TYR: variants seen among roughly 807,000 people sequenced by gnomAD.
TYR encodes LB24-AB.
Under a neutral mutation model 51.5 loss-of-function variants are expected in TYR, and 58 were observed. The observed-to-expected ratio is 1.13, with a 90% CI of 0.91 to 1.40. The LOEUF (loss-of-function observed/expected upper bound fraction) is 1.40. Ranked by LOEUF, TYR falls within the 40% of genes most tolerant of loss-of-function variation. The pLI, the probability that TYR is intolerant of heterozygous loss-of-function variation, is 0.00. For missense variants in TYR, 732 were observed against 647.4 expected (o/e 1.13, Z -1.42); for synonymous variants, 263 against 235.2 (o/e 1.12, Z -1.08).
chr11:89,219,167 A>G (rs1203990961), intron 2 of TYR, among the ~76,000 whole-genome samples: 2 of 152,190 alleles, frequency 1.3e-5, no homozygotes, highest in Non-Finnish European at 2.9e-5. Context: ...CTAGCCCTAT[A>G]TAGAAGCCAA....
chr11:89,282,402 GAATAA>G (rs1565422836), intron 3 of TYR, among the ~76,000 whole-genome samples: 1 of 151,624 alleles, frequency 6.6e-6, no homozygotes, highest in Non-Finnish European at 1.5e-5. Context: ...TGGTTAGTAC[GAATAA>G]AATGTCTACT....
chr11:89,205,372 T>C (rs761083042), intron 2 of TYR, among the ~76,000 whole-genome samples: 1 of 152,124 alleles, frequency 6.6e-6, no homozygotes, highest in Non-Finnish European at 1.5e-5. Context: ...ACTTCCCAAA[T>C]TTAGCAAAAG....
chr11:89,285,792 C>G (rs1944778656), intron 4 of TYR, among the ~76,000 whole-genome samples: 2 of 151,734 alleles, frequency 1.3e-5, no homozygotes, highest in Admixed American at 1.3e-4. Context: ...AGCAAGATTT[C>G]AATTCTAGGA....
chr11:89,251,271 A>G (rs1944328177), intron 3 of TYR, among the ~76,000 whole-genome samples: 1 of 151,988 alleles, frequency 6.6e-6, no homozygotes, highest in South Asian at 2.1e-4. Flanking sequence ...CTCCTTTACC[A>G]GATTATTCAT....
intron 3 of TYR, chr11:89,283,888 G>T (rs1439012283): frequency 3.3e-5 from 5 of 151,772 alleles, no homozygotes; most frequent in Admixed American, 1.3e-4. Context: ...AGTAGGAAAA[G>T]AATTTGCTGA....
chr11:89,199,685 C>CA (rs988263835), intron 2 of TYR, among the ~76,000 whole-genome samples: 23 of 152,278 alleles, frequency 1.5e-4, no homozygotes, highest in African/African-American at 4.3e-4. Context: ...ATTACATACA[C>CA]AAAAAATGTT....
chr11:89,247,333 G>A (rs1944279617), intron 3 of TYR, among the ~76,000 whole-genome samples: 1 of 152,174 alleles, frequency 6.6e-6, no homozygotes, highest in South Asian at 2.1e-4. Context: ...CTAAGTTGTT[G>A]TATAATTGAT....
In TYR at chr11:89,178,353, T is replaced by C; in HGVS notation, c.400T>C (p.Phe134Leu). The change falls in exon 1 of 5, where the codon TTT (phenylalanine) becomes CTT (leucine). Residue 134 changes from phenylalanine to leucine, a missense_variant. By Grantham distance (22) the Phe-to-Leu change is conservative. Coordinates refer to ENST00000263321, the MANE Select transcript of TYR (RefSeq NM_000372.5). ...FDLSAPEKDK[F>L]FAYLTLAKHT... is the part of the protein sequence containing the mutation. ...TTTGAGTGCCCCAGAGAAGGACAAA[T>C]TTTTTGCCTACCTCACTTTAGCAAA... is the stretch of plus-strand genomic sequence containing the variant. 6.2e-7 allele frequency: 1 copy of C among 1,614,094 alleles called. No individual in the cohort carries two copies. Among genetic ancestry groups the C allele is most frequent in the Non-Finnish European group, 8.5e-7 (1 of 1,180,006 alleles).
intron 1 of TYR, among the ~76,000 whole-genome samples, chr11:89,179,848 A>G (rs1943277419): frequency 1.3e-5 from 2 of 152,208 alleles, no homozygotes; most frequent in Non-Finnish European, 2.9e-5. Context: ...TATCATTTTA[A>G]AACCATATGT....
intron 3 of TYR, among the ~76,000 whole-genome samples, chr11:89,276,191 T>G: frequency 6.6e-6 from 1 of 151,854 alleles, no homozygotes. Flanking sequence ...TGCCTCTATT[T>G]GGATTTGTTC....
rs1194598385 is a variant in TYR at position 89,249,941 on chromosome 11, G to C, written c.1184+21971G>C. ...CCTTCATGCCTGAATGGAGACACAA[G>C]ATAGAGTATAGATGCATGTATTGTT... On this transcript the variant is annotated intron_variant, in intron 3 of 4. Coordinates refer to ENST00000263321, the MANE Select transcript of TYR (RefSeq NM_000372.5). 2.0e-5 allele frequency among the ~76,000 whole-genome samples: 3 copies of C among 152,094 alleles called. No individual in the cohort carries two copies. The East Asian group carries it at 5.8e-4, about 29-fold the overall frequency.
chr11:89,283,305 G>A (rs1944739656), intron 3 of TYR, among the ~76,000 whole-genome samples: 1 of 151,702 alleles, frequency 6.6e-6, no homozygotes, highest in Non-Finnish European at 1.5e-5. Flanking sequence ...TTCTGTCATG[G>A]AAAAAATGAT....
chr11:89,197,216 T>C (rs1943531810), intron 2 of TYR, among the ~76,000 whole-genome samples: 1 of 152,086 alleles, frequency 6.6e-6, no homozygotes, highest in South Asian at 2.1e-4. Flanking sequence ...GCTAGAATAT[T>C]GAGTTTGTAG....
intron 3 of TYR, among the ~76,000 whole-genome samples, chr11:89,254,950 G>A (rs997137915): frequency 1.3e-5 from 2 of 151,354 alleles, no homozygotes; most frequent in Non-Finnish European, 3.0e-5. Flanking sequence ...GATGTTAAAG[G>A]TTGTAAACCT....
At chr11:89,202,280 T>C (rs749246752) in intron 2 of TYR, among the ~76,000 whole-genome samples, 37 of 152,264 alleles carry the variant, frequency 2.4e-4, no homozygotes, top group Admixed American at 1.4e-3. Flanking sequence ...TGAGGTTGTC[T>C]ACAGTGGATT....
chr11:89,237,972 A>T (rs1287793893), intron 3 of TYR, among the ~76,000 whole-genome samples: 1 of 151,894 alleles, frequency 6.6e-6, no homozygotes, highest in Non-Finnish European at 1.5e-5. Context: ...AGTTGCTGGG[A>T]TTACAGGCAC....
intron 2 of TYR, among the ~76,000 whole-genome samples, chr11:89,216,443 G>A (rs936917459): frequency 4.6e-5 from 7 of 151,812 alleles, no homozygotes; most frequent in African/African-American, 1.7e-4. Flanking sequence ...CCTCAGCTCT[G>A]GAGTTTGACA....
intron 2 of TYR, among the ~76,000 whole-genome samples, chr11:89,201,217 T>A (rs1591149922): frequency 7.0e-6 from 1 of 142,272 alleles, no homozygotes; most frequent in East Asian, 2.0e-4. Flanking sequence ...ATTGTAGCAT[T>A]GGCAAAAAAG....
intron 2 of TYR, among the ~76,000 whole-genome samples, chr11:89,208,719 T>A (rs988131354): frequency 2.8e-4 from 42 of 152,140 alleles, no homozygotes; most frequent in East Asian, 9.6e-4. Flanking sequence ...TATACCCAAA[T>A]CCCTAATTTT....
Sources: allele counts gnomAD v4.1 joint callset (sites outside exome capture counted in the v4.1 genomes callset), GRCh38; gene constraint gnomAD v4.1.1; transcripts MANE v1.5; gene names NCBI Gene and HGNC (gene_info 2026-07-23, HGNC 2026-07-21).